AASDH: variants seen among roughly 807,000 people sequenced by gnomAD.
AASDH encodes aminoadipate-semialdehyde dehydrogenase.
Under a neutral mutation model 102.3 loss-of-function variants are expected in AASDH, and 81 were observed. The observed-to-expected ratio is 0.79, with a 90% CI of 0.66 to 0.95. AASDH has a LOEUF of 0.95. AASDH is among the 40% of genes least tolerant of loss of function. AASDH has a pLI of 0.00. For missense variants in AASDH, 1,203 were observed against 1,266.2 expected, an observed-to-expected ratio of 0.95 and a Z score of 0.76; for synonymous variants, 398 against 454.0, an observed-to-expected ratio of 0.88 and a Z score of 1.57.
At chr4:56,353,993 A>C in intron 8 of AASDH, 46 bp downstream of exon 8, 1 of 1,495,322 alleles carries the variant, frequency 6.7e-7, no homozygotes, top group East Asian at 2.5e-5. Flanking sequence ...GGCTGCTTCT[A>C]CTACTTACAT....
chr4:56,355,922 T>A (rs1749584016), intron 5 of AASDH, among the ~76,000 whole-genome samples: 2 of 152,116 alleles, frequency 1.3e-5, no homozygotes, highest in Admixed American at 6.5e-5. Context: ...TGGCCCAACA[T>A]TATCTTCCTA....
intron 3 of AASDH, among the ~76,000 whole-genome samples, chr4:56,379,839 A>C (rs1752767017): frequency 6.6e-6 from 1 of 152,180 alleles, no homozygotes; most frequent in African/African-American, 2.4e-5. Context: ...GTGAACATTA[A>C]GCCTTCCAAT....
chr4:56,350,769 G>A (rs1282379839), intron 10 of AASDH, among the ~76,000 whole-genome samples: 1 of 152,028 alleles, frequency 6.6e-6, no homozygotes, highest in African/African-American at 2.4e-5. Flanking sequence ...TAAAAATGAA[G>A]TAGAAGAGAC....
chr4:56,360,181 T>C (rs1750130154), intron 5 of AASDH, among the ~76,000 whole-genome samples: 1 of 152,224 alleles, frequency 6.6e-6, no homozygotes, highest in Admixed American at 6.5e-5. Flanking sequence ...TGGGCCCTTT[T>C]CTGTCTCTTA....
chr4:56,355,593 GTTTTTT>G (rs149149581), intron 5 of AASDH, among the ~76,000 whole-genome samples, 170 bp from the exon 6 acceptor site: 4 of 91,916 alleles, frequency 4.4e-5, no homozygotes, highest in African/African-American at 1.3e-4. Context: ...TTATCTTCTT[GTTTTTT>G]TTTTTTTTTT....
intron 14 of AASDH, among the ~76,000 whole-genome samples, 159 bp from the exon 15 acceptor site, chr4:56,338,950 C>T (rs1747271759): frequency 6.6e-6 from 1 of 152,128 alleles, no homozygotes; most frequent in African/African-American, 2.4e-5. Flanking sequence ...GTAGCACTAT[C>T]ATACTAGACC....
intron 4 of AASDH, among the ~76,000 whole-genome samples, chr4:56,376,940 G>A (rs1021134474): frequency 2.7e-5 from 4 of 149,246 alleles, no homozygotes; most frequent in African/African-American, 9.8e-5. Flanking sequence ...AGTGGCGGGC[G>A]CCTGTAGTCC....
rs138985609 is a variant in AASDH, at chr4:56,338,606, A to G, written c.3093T>C (p.Asn1031=). The G allele has an allele frequency of 1.2e-6, 2 of 1,614,224 alleles. No homozygotes were observed. Among genetic ancestry groups the G allele is most frequent in the South Asian group, 1.1e-5 (1 of 91,088 alleles). Residue 1031 remains asparagine (N), a synonymous_variant, in exon 15 of 15, where the codon AAT becomes AAC. Coordinates refer to ENST00000205214, the MANE Select transcript of AASDH (RefSeq NM_181806.4). ...YATPFAFHNY[N]GSNEMLLAAA... is the part of the protein sequence containing the mutation. ...CTGCCAGCAACATTTCATTGCTGCC[A>G]TTGTAGTTATGGAAAGCAAACGGTG...
chr4:56,385,071 C>G (rs934081936), intron 1 of AASDH, among the ~76,000 whole-genome samples: 1 of 152,120 alleles, frequency 6.6e-6, no homozygotes, highest in African/African-American at 2.4e-5. Context: ...AAGACCCCAT[C>G]TCAAAATAAA....
Position 56,353,446 on chromosome 4 carries a change from C to A in AASDH, c.1534G>T (p.Asp512Tyr), listed in dbSNP as rs769747110. ...AGAGAGTCGATCAATACAAGCTCAT[C>A]CGGGACTGCATGACTTGGAAGATAT... The part of the protein sequence containing the change: ...QKYLPSHAVP[D>Y]ELVLIDSLPF... Residue 512 changes from aspartate to tyrosine, a missense_variant, in exon 9 of 15, where the codon GAT becomes TAT. Coordinates refer to ENST00000205214, the MANE Select transcript of AASDH (RefSeq NM_181806.4). 3 of 1,613,716 alleles carry A rather than the reference C, an allele frequency of 1.9e-6. No individual in the cohort carries two copies. The highest frequency in any genetic ancestry group is 2.5e-6 in the Non-Finnish European group (3 of 1,179,834).
rs753651931 is a variant in AASDH, at chr4:56,378,222, T to C, written c.594A>G (p.Thr198=). 3.1e-6 allele frequency: 5 copies of C among 1,614,168 alleles called. No individual in the cohort carries two copies. Among genetic ancestry groups the C allele is most frequent in the South Asian group, 1.1e-5 (1 of 91,054 alleles). Residue 198 remains threonine, a synonymous_variant, in exon 4 of 15, where the codon ACA becomes ACG. Transcript: ENST00000205214. The part of the protein sequence containing the change: ...LKHCLAYVLH[T]SGTTGIPKIV... ...TCTTCGGTATCCCTGTAGTCCCTGA[T>C]GTATGTAGAACATAGGCTAAGCAAT...
intron 9 of AASDH, among the ~76,000 whole-genome samples, chr4:56,352,193 T>C (rs1170139137): frequency 6.6e-6 from 1 of 152,180 alleles, no homozygotes; most frequent in African/African-American, 2.4e-5. Context: ...TCTATCACTG[T>C]GATAGGTTAA....
At position 56,338,770 on chromosome 4, in the gene AASDH, C is replaced by A. The variant is rs1019709970; in HGVS notation, c.2929G>T (p.Gly977Ter). 7.4e-6 allele frequency: 12 copies of A among 1,613,878 alleles called. No homozygotes were observed. Among genetic ancestry groups the A allele is most frequent in the Non-Finnish European group, 9.3e-6 (11 of 1,179,996 alleles). ...GTACACGGGGATGAAAAGATTGGTC[C>A]ACTGGTAGAGAACTGCCAAACCTAT... ...GEQVWQFSTS[G>*]PIFSSPCTSP... The change falls in exon 15 of 15, where the codon GGA becomes TGA. Residue 977 changes from glycine (G) to a stop codon, truncating the protein, a stop_gained. Coordinates refer to ENST00000205214, the MANE Select transcript of AASDH (RefSeq NM_181806.4). LOFTEE classifies it low-confidence loss of function (END_TRUNC).
At chr4:56,369,837 G>A (rs115122561) in intron 5 of AASDH, among the ~76,000 whole-genome samples, 3,121 of 151,780 alleles carry the variant, frequency 0.021, 47 homozygotes, top group South Asian at 0.046. Flanking sequence ...CTACTCAGGA[G>A]GCCAAGGCAC....
Position 56,349,618 on chromosome 4 carries a change from A to C in AASDH, c.2133T>G (p.Val711=), listed in dbSNP as rs774688743. The C allele has an allele frequency of 6.2e-7, 1 of 1,614,218 alleles. No homozygotes were observed. Among genetic ancestry groups the C allele is most frequent in the Non-Finnish European group, 8.5e-7 (1 of 1,180,042 alleles). Residue 711 remains valine (V), a synonymous_variant, in exon 11 of 15, where the codon GTT becomes GTG. Transcript: ENST00000205214. ...HCSSACPSDS[V]SQTNIQNLKG... ...TCAAATTTTGAATGTTGGTCTGTGA[A>C]ACTGAGTCAGAAGGACAGGCTGAAG...
chr4:56,381,649 T>TCTCTCTCTCACACACACA (rs3223650), intron 3 of AASDH: 3 of 142,304 alleles, frequency 2.1e-5, no homozygotes, highest in African/African-American at 8.0e-5. Context: ...TTGACACTTC[T>TCTCTCTCTCACACACACA]CACACACACA....
intron 5 of AASDH, among the ~76,000 whole-genome samples, chr4:56,366,177 T>G (rs1242770579): frequency 6.6e-6 from 1 of 152,118 alleles, no homozygotes; most frequent in Non-Finnish European, 1.5e-5. Flanking sequence ...CAGGAAGAAG[T>G]TGAATCTCTG....
At chr4:56,383,641 T>C (rs111587952) in intron 2 of AASDH, among the ~76,000 whole-genome samples, 57 of 152,342 alleles carry the variant, frequency 3.7e-4, no homozygotes, top group African/African-American at 1.3e-3. Flanking sequence ...TATTTCAATC[T>C]ATATCAACTA....
intron 5 of AASDH, chr4:56,356,832 C>T (rs981427345): frequency 2.5e-6 from 2 of 815,760 alleles, no homozygotes; most frequent in Non-Finnish European, 2.1e-6. Flanking sequence ...ATGAGATCCA[C>T]CGTCACTGGG....
Sources: gnomAD v4.1 joint callset for allele counts (sites outside exome capture counted in the v4.1 genomes callset) on GRCh38, gnomAD v4.1.1 for gene constraint, MANE v1.5 for transcripts, NCBI Gene and HGNC (gene_info 2026-07-23, HGNC 2026-07-21) for gene names.